The following FAM219A variants were observed in gnomAD, a reference collection of about 807,000 sequenced individuals.
FAM219A encodes the protein protein FAM219A.
Under a neutral mutation model 23.4 loss-of-function variants are expected in FAM219A, and 7 were observed. The ratio of observed to expected loss-of-function variants is 0.30; its 90% confidence interval spans 0.17 to 0.56. The LOEUF is 0.56. FAM219A is among the 20% of genes least tolerant of loss of function. The probability of loss-of-function intolerance (pLI) is 0.92; values close to 1 mark genes in which losing one functional copy is unlikely to be tolerated. For missense variants in FAM219A, 166 were observed against 246.9 expected, an observed-to-expected ratio of 0.67 and a Z score of 2.20; for synonymous variants, 93 against 99.0, an observed-to-expected ratio of 0.94 and a Z score of 0.36.
intron 1 of FAM219A, among the ~76,000 whole-genome samples, chr9:34,423,408 A>G (rs1312814180): frequency 6.6e-6 from 1 of 152,192 alleles, no homozygotes; most frequent in Admixed American, 6.5e-5. Flanking sequence ...AAAAAGAAAA[A>G]AGAAGAGAAA....
intron 4 of FAM219A, 138 bp downstream of exon 4, chr9:34,402,249 T>C: frequency 6.2e-7 from 1 of 1,612,052 alleles, no homozygotes; most frequent in Non-Finnish European, 8.5e-7. Context: ...TTCCCATCCC[T>C]GGAGAATTCA....
At chr9:34,429,150 C>T (rs989722436) in intron 1 of FAM219A, among the ~76,000 whole-genome samples, 26 of 152,196 alleles carry the variant, frequency 1.7e-4, no homozygotes, top group African/African-American at 6.3e-4. Context: ...GACTGGTTGG[C>T]ACTAGAAGAG....
rs138084194 is a variant in FAM219A at position 34,416,310 on chromosome 9, C to CGAAG, written c.61-10350_61-10347dup. ...AGGAAGGAAGGAAGGAAGGAAGGAA[C>CGAAG]GAAGGAAGGAAGGAAGGAAGGAAGC... On this transcript the variant is annotated intron_variant, in intron 1 of 5. Coordinates refer to ENST00000651358, the MANE Select transcript of FAM219A (RefSeq NM_001184940.2). 4.1e-3 allele frequency among the ~76,000 whole-genome samples: 262 copies of CGAAG among 64,432 alleles called. 3 individuals carry two copies. The highest frequency in any genetic ancestry group is 0.016 in the South Asian group (29 of 1,760). The allele number at this position is 64,432 out of a possible 152,430, so 42.3% of individuals were successfully genotyped here. A position where few individuals can be genotyped will look rare whatever the true frequency, so the allele number is the denominator to read the frequency against.
intron 1 of FAM219A, among the ~76,000 whole-genome samples, chr9:34,414,035 G>T (rs1008912931): frequency 1.3e-5 from 2 of 152,156 alleles, no homozygotes; most frequent in Admixed American, 6.5e-5. Flanking sequence ...GCATGTTTAG[G>T]TATCAACTTT....
chr9:34,455,211 T>G (rs945741981), intron 1 of FAM219A, among the ~76,000 whole-genome samples: 1 of 152,184 alleles, frequency 6.6e-6, no homozygotes, highest in African/African-American at 2.4e-5. Context: ...CAGGTCTCTG[T>G]GGTATTCTTT....
intron 1 of FAM219A, among the ~76,000 whole-genome samples, chr9:34,435,425 A>C (rs186539359): frequency 0.021 from 3,164 of 152,328 alleles, 89 homozygotes; most frequent in East Asian, 0.12. Flanking sequence ...TTGTTTCCCC[A>C]AATAGAAAAA....
intron 1 of FAM219A, among the ~76,000 whole-genome samples, chr9:34,453,599 T>C (rs1823635152): frequency 6.6e-6 from 1 of 152,200 alleles, no homozygotes; most frequent in Non-Finnish European, 1.5e-5. Flanking sequence ...TCTGAGTAGA[T>C]GCTCGTGAAC....
chr9:34,458,197 C>A lies in FAM219A; in HGVS notation c.60+7G>T. 1 of 1,587,364 alleles carries A rather than the reference C, an allele frequency of 6.3e-7. No homozygotes were observed. The highest frequency in any genetic ancestry group is 8.5e-7 in the Non-Finnish European group (1 of 1,171,760). ...GGCCTTGGCCTGCCCGCCGCCCGCC[C>A]CCTCACCAGCGGCTGCATCTCCGAG... On this transcript the variant is annotated splice_region_variant and intron_variant, in intron 1 of 5. Coordinates refer to ENST00000651358, the MANE Select transcript of FAM219A (RefSeq NM_001184940.2). The surrounding 1 kb of genome is among the most constrained non-coding windows in gnomAD (Gnocchi z 6.6).
Position 34,398,436 on chromosome 9 carries a change from C to T in FAM219A, c.*2528G>A. 3.3e-6 allele frequency: 5 copies of T among 1,493,414 alleles called. No individual in the cohort carries two copies. Among genetic ancestry groups the T allele is most frequent in the Non-Finnish European group, 4.6e-6 (5 of 1,097,064 alleles). The allele number at this position is 1,493,414 out of a possible 1,614,324, so 92.5% of individuals were successfully genotyped here. A position where few individuals can be genotyped will look rare whatever the true frequency, so the allele number is the denominator to read the frequency against. Reference sequence around the variant, plus strand: ...AGGAGGGCAAGCTAAGGCCTAGATTCTTCCCTCCAACCTCCCAGACAGGGA... The same window carrying T: ...AGGAGGGCAAGCTAAGGCCTAGATTTTTCCCTCCAACCTCCCAGACAGGGA... On this transcript the variant is annotated 3_prime_UTR_variant, in exon 6 of 6. Coordinates refer to ENST00000651358, the MANE Select transcript of FAM219A (RefSeq NM_001184940.2).
chr9:34,433,692 CCTAA>C (rs916553029), intron 1 of FAM219A, among the ~76,000 whole-genome samples: 17 of 152,290 alleles, frequency 1.1e-4, no homozygotes, highest in South Asian at 4.1e-4. Context: ...ATCTCTTTGC[CCTAA>C]CTGTCAGCCC....
chr9:34,421,485 C>A (rs1669225489), intron 1 of FAM219A, among the ~76,000 whole-genome samples: 1 of 152,046 alleles, frequency 6.6e-6, no homozygotes, highest in Admixed American at 6.5e-5. Context: ...TTTGCCTGCC[C>A]ACCTGTCACT....
intron 1 of FAM219A, among the ~76,000 whole-genome samples, chr9:34,418,305 AAGACTGATGTCTT>A (rs1397904315): frequency 6.6e-6 from 1 of 152,204 alleles, no homozygotes; most frequent in Non-Finnish European, 1.5e-5. Context: ...TGGTTAGGAC[AAGACTGATGTCTT>A]AGACTGATGT....
chr9:34,416,234 A>AGGGGGAGGGAGG, intron 1 of FAM219A, among the ~76,000 whole-genome samples: 1 of 130,848 alleles, frequency 7.6e-6, no homozygotes, highest in African/African-American at 2.9e-5. Flanking sequence ...AAAGAAAGAA[A>AGGGGGAGGGAGG]GAAAGAAAGA....
At chr9:34,445,617 C>G (rs1823340488) in intron 1 of FAM219A, among the ~76,000 whole-genome samples, 1 of 152,142 alleles carries the variant, frequency 6.6e-6, no homozygotes, top group Admixed American at 6.5e-5. Flanking sequence ...GTATGGCCAG[C>G]TTTGAGGGGT....
chr9:34,432,825 C>T (rs1413669714), intron 1 of FAM219A, among the ~76,000 whole-genome samples: 5 of 152,056 alleles, frequency 3.3e-5, no homozygotes, highest in African/African-American at 9.7e-5. Flanking sequence ...GGGGCAGGGG[C>T]GGTGTGGGGT....
At chr9:34,450,847 T>C (rs1823539447) in intron 1 of FAM219A, among the ~76,000 whole-genome samples, 1 of 152,192 alleles carries the variant, frequency 6.6e-6, no homozygotes, top group African/African-American at 2.4e-5. Context: ...ACTGGTCTTG[T>C]TTCTGCCTGG....
chr9:34,414,828 C>T (rs919102410), intron 1 of FAM219A, among the ~76,000 whole-genome samples: 1 of 152,198 alleles, frequency 6.6e-6, no homozygotes, highest in African/African-American at 2.4e-5. Flanking sequence ...AAAAGAAGAC[C>T]CATTTCAAAT....
chr9:34,422,795 T>A (rs1027089060), intron 1 of FAM219A, among the ~76,000 whole-genome samples: 3 of 152,146 alleles, frequency 2.0e-5, no homozygotes, highest in African/African-American at 7.2e-5. Context: ...AAAGGGGCCT[T>A]AGCCACCAAA....
Position 34,458,179 on chromosome 9 carries a change from G to C in FAM219A, c.60+25C>G, listed in dbSNP as rs1422607315. 1.3e-6 allele frequency: 2 copies of C among 1,575,526 alleles called. No homozygotes were observed. ...TCAAGCGACGCCCCCTCCGGCCTTG[G>C]CCTGCCCGCCGCCCGCCCCCTCACC... On this transcript the variant is annotated intron_variant, in intron 1 of 5. Coordinates refer to ENST00000651358, the MANE Select transcript of FAM219A (RefSeq NM_001184940.2). The surrounding 1 kb of genome is among the most constrained non-coding windows in gnomAD (Gnocchi z 6.6).
Sources: allele counts gnomAD v4.1 joint callset (sites outside exome capture counted in the v4.1 genomes callset), GRCh38; gene constraint gnomAD v4.1.1; non-coding constraint Gnocchi (gnomAD v3.1); transcripts MANE v1.5; gene names NCBI Gene and HGNC (gene_info 2026-07-23, HGNC 2026-07-21).